The following AKAP7 variants were observed in gnomAD, a reference collection of about 807,000 sequenced individuals.
The protein encoded by AKAP7 is A-kinase anchoring protein 7, also known as A kinase (PRKA) anchor protein 7.
AKAP7 carries 39 observed loss-of-function variants against 39.5 expected under a neutral mutation model. The observed-to-expected ratio is 0.99, with a 90% confidence interval of 0.76 to 1.29. The LOEUF (loss-of-function observed/expected upper bound fraction) is 1.29, where lower values mean the gene tolerates loss of function less well. AKAP7 is among the 50% of genes most tolerant of loss of function. The pLI, the probability that AKAP7 is intolerant of heterozygous loss-of-function variation, is 0.00. For missense variants in AKAP7, 414 were observed against 407.7 expected (o/e 1.02, Z -0.13); for synonymous variants, 140 against 139.1 (o/e 1.01, Z -0.05).
intron 7 of AKAP7, among the ~76,000 whole-genome samples, chr6:131,256,180 C>T (rs929435745): frequency 1.3e-5 from 2 of 152,210 alleles, no homozygotes; most frequent in Non-Finnish European, 2.9e-5. Context: ...TAACCTGAGA[C>T]TACATTTTGC....
intron 6 of AKAP7, among the ~76,000 whole-genome samples, chr6:131,217,909 C>T (rs1188124721): frequency 6.6e-6 from 1 of 152,150 alleles, no homozygotes; most frequent in Non-Finnish European, 1.5e-5. Context: ...CTGCACACCC[C>T]TACACACACA....
chr6:131,180,654 A>G (rs1240682983), intron 5 of AKAP7, among the ~76,000 whole-genome samples: 1 of 152,156 alleles, frequency 6.6e-6, no homozygotes, highest in Non-Finnish European at 1.5e-5. Flanking sequence ...TCCTTTTCTC[A>G]AACCTCCTGC....
intron 6 of AKAP7, among the ~76,000 whole-genome samples, chr6:131,210,894 C>T (rs1165725319): frequency 6.6e-6 from 1 of 152,200 alleles, no homozygotes; most frequent in Non-Finnish European, 1.5e-5. Flanking sequence ...CCCTGACCTA[C>T]CCTGACAATC....
intron 7 of AKAP7, among the ~76,000 whole-genome samples, chr6:131,259,712 A>G (rs576781836): frequency 6.6e-6 from 1 of 152,338 alleles, no homozygotes; most frequent in Admixed American, 6.5e-5. Context: ...AGTAATTCAT[A>G]ATAAATTGCC....
intron 6 of AKAP7, among the ~76,000 whole-genome samples, chr6:131,216,479 G>C (rs1379311360): frequency 6.6e-6 from 1 of 152,208 alleles, no homozygotes; most frequent in Admixed American, 6.5e-5. Flanking sequence ...GGAGTGGACT[G>C]TTTGAGTGCC....
chr6:131,156,028 A>G (rs1267532921), intron 2 of AKAP7, among the ~76,000 whole-genome samples: 1 of 152,232 alleles, frequency 6.6e-6, no homozygotes, highest in East Asian at 1.9e-4. Flanking sequence ...TTGGAAATCT[A>G]GTCTTCAGGT....
At chr6:131,174,425 T>C (rs1467083752) in intron 5 of AKAP7, among the ~76,000 whole-genome samples, 3 of 152,368 alleles carry the variant, frequency 2.0e-5, no homozygotes, top group South Asian at 2.1e-4. Flanking sequence ...TCTTTAGATA[T>C]ATTTTTAAAA....
chr6:131,236,336 T>C (rs367615312), intron 7 of AKAP7, among the ~76,000 whole-genome samples: 2 of 152,124 alleles, frequency 1.3e-5, no homozygotes, highest in Admixed American at 6.6e-5. Flanking sequence ...AGTCAGGTAG[T>C]GTGATGCCTC....
Position 131,160,296 on chromosome 6 carries a change from G to A in AKAP7, c.291+98G>A, listed in dbSNP as rs147647294. On this transcript the variant is annotated intron_variant, in intron 3 of 7. Coordinates refer to ENST00000431975, the MANE Select transcript of AKAP7 (RefSeq NM_016377.4). ...GCCCACTTGCTCTTAGCTTTTAAGA[G>A]TATTTGGTGGCATTTTAGCAGGACT... The A allele has an allele frequency of 1.4e-5, 18 of 1,244,072 alleles. No homozygotes were observed. In the East Asian group the frequency reaches 3.9e-4, roughly 27 times the overall value. The allele number at this position is 1,244,072 out of a possible 1,614,324, so 77.1% of individuals were successfully genotyped here. A position where few individuals can be genotyped will look rare whatever the true frequency, so the allele number is the denominator to read the frequency against.
At chr6:131,136,254 G>GT (rs1772979038) in intron 1 of AKAP7, among the ~76,000 whole-genome samples, 1 of 151,886 alleles carries the variant, frequency 6.6e-6, no homozygotes, top group Admixed American at 6.6e-5. Flanking sequence ...TTTTAAAACT[G>GT]GCGCCAAGTC....
intron 2 of AKAP7, among the ~76,000 whole-genome samples, chr6:131,158,886 G>A (rs1024935541): frequency 3.3e-5 from 5 of 149,944 alleles, no homozygotes; most frequent in East Asian, 1.9e-4. Flanking sequence ...GTAGTTTTGC[G>A]TGCATATGGA....
intron 7 of AKAP7, among the ~76,000 whole-genome samples, chr6:131,279,439 T>C (rs1815028804): frequency 6.6e-6 from 1 of 152,134 alleles, no homozygotes; most frequent in African/African-American, 2.4e-5. Flanking sequence ...CAGCTAATTT[T>C]TGTATTTTTA....
At chr6:131,141,190 G>A (rs1800996035) in intron 1 of AKAP7, among the ~76,000 whole-genome samples, 1 of 152,138 alleles carries the variant, frequency 6.6e-6, no homozygotes, top group Non-Finnish European at 1.5e-5. Flanking sequence ...TGGAGGTGGG[G>A]CTTGGTGGGA....
intron 6 of AKAP7, among the ~76,000 whole-genome samples, chr6:131,206,996 G>C (rs1808169071): frequency 1.3e-5 from 2 of 152,130 alleles, no homozygotes; most frequent in South Asian, 4.1e-4. Flanking sequence ...TTTTAGCCCT[G>C]TTGTTTAGTC....
chr6:131,183,563 C>G (rs534615807), intron 5 of AKAP7, among the ~76,000 whole-genome samples: 1 of 152,252 alleles, frequency 6.6e-6, no homozygotes, highest in Non-Finnish European at 1.5e-5. Flanking sequence ...CCCCTCTCCC[C>G]ACAAAACCAA....
chr6:131,239,211 C>T (rs569098101), intron 7 of AKAP7, among the ~76,000 whole-genome samples: 29 of 152,198 alleles, frequency 1.9e-4, no homozygotes, highest in Non-Finnish European at 3.5e-4. Flanking sequence ...AAAATTCTTT[C>T]ATTTAAGAAT....
intron 5 of AKAP7, chr6:131,184,290 C>T: frequency 3.6e-6 from 2 of 556,512 alleles, no homozygotes; most frequent in Admixed American, 4.2e-5. Flanking sequence ...AGAGAAACAG[C>T]CTTAGATATG....
chr6:131,281,394 C>T lies in AKAP7; in HGVS notation c.851-136C>T. 3 of 639,676 alleles carry T rather than the reference C, an allele frequency of 4.7e-6. No individual in the cohort carries two copies. Among genetic ancestry groups the T allele is most frequent in the Non-Finnish European group, 7.4e-6 (3 of 407,658 alleles). 39.6% of individuals were successfully genotyped at this position (639,676 alleles called of 1,614,324 possible). On this transcript the variant is annotated intron_variant, in intron 7 of 7. Coordinates refer to ENST00000431975, the MANE Select transcript of AKAP7 (RefSeq NM_016377.4). The surrounding 1 kb of genome is among the most constrained non-coding windows in gnomAD (Gnocchi z 4.0). ...GCTTCTGCAAATACCAAATGAAAAG[C>T]CAACCCACTGTTCTTGAATTTATAG...
intron 7 of AKAP7, chr6:131,250,685 A>C: frequency 1.3e-6 from 2 of 1,524,958 alleles, no homozygotes; most frequent in Non-Finnish European, 1.8e-6. Flanking sequence ...TTCTAGGGGT[A>C]GTTTTGCTCT....
Sources: gnomAD v4.1 joint callset for allele counts (sites outside exome capture counted in the v4.1 genomes callset) on GRCh38, gnomAD v4.1.1 for gene constraint, Gnocchi (gnomAD v3.1) non-coding constraint, MANE v1.5 for transcripts, NCBI Gene and HGNC (gene_info 2026-07-23, HGNC 2026-07-21) for gene names.